FAM135B: variants seen among roughly 807,000 people sequenced by gnomAD.
The protein encoded by FAM135B is family with sequence similarity 135 member B, also known as protein FAM135B.
Under a neutral mutation model 127.7 loss-of-function variants are expected in FAM135B, and 43 were observed. The ratio of observed to expected loss-of-function variants is 0.34; its 90% confidence interval spans 0.26 to 0.43. The LOEUF (loss-of-function observed/expected upper bound fraction) is 0.43, where lower values mean the gene tolerates loss of function less well. Among genes scored for constraint, FAM135B ranks in the 20% least tolerant of loss-of-function variants. The pLI is 1.00. For synonymous variants in FAM135B, 670 were observed against 665.1 expected, an observed-to-expected ratio of 1.01 and a Z score of -0.11; for missense variants, 1,558 against 1,725.6, an observed-to-expected ratio of 0.90 and a Z score of 1.72.
In FAM135B at chr8:138,455,737, G is replaced by A. The variant is rs527260760; in HGVS notation, c.-20+40934C>T. On this transcript the variant is annotated intron_variant, in intron 1 of 19. Transcript: ENST00000395297. ...TGGGCAGATGGATGGGTGAATAAAC[G>A]GATGGAAAGAGATGGGAATCAGCAA... Among the ~76,000 whole-genome samples the A allele has an allele frequency of 7.9e-5, 12 of 152,270 alleles. No homozygotes were observed. In the South Asian group the frequency reaches 8.3e-4, roughly 11 times the overall value.
At chr8:138,136,081 G>T (rs1366654597) in intron 19 of FAM135B, among the ~76,000 whole-genome samples, 1 of 151,728 alleles carries the variant, frequency 6.6e-6, no homozygotes, top group Non-Finnish European at 1.5e-5. Context: ...TTTAGAATAT[G>T]CCCTGTGTTA....
At chr8:138,403,446 T>G (rs886748937) in intron 1 of FAM135B, among the ~76,000 whole-genome samples, 1 of 152,184 alleles carries the variant, frequency 6.6e-6, no homozygotes, top group Non-Finnish European at 1.5e-5. Flanking sequence ...TTGTTGATTC[T>G]CAACAACATA....
chr8:138,487,256 C>T (rs1459908292), intron 1 of FAM135B, among the ~76,000 whole-genome samples: 1 of 152,144 alleles, frequency 6.6e-6, no homozygotes, highest in African/African-American at 2.4e-5. Context: ...TCTGCAGGCT[C>T]CAAAGCAGCC....
intron 7 of FAM135B, among the ~76,000 whole-genome samples, chr8:138,211,596 T>C (rs1021961575): frequency 2.0e-5 from 3 of 152,326 alleles, no homozygotes; most frequent in African/African-American, 7.2e-5. Context: ...TGATATTGCA[T>C]TGCAACATTC....
At chr8:138,149,755 C>A (rs1344631035) in intron 13 of FAM135B, among the ~76,000 whole-genome samples, 2 of 152,136 alleles carry the variant, frequency 1.3e-5, no homozygotes, top group Non-Finnish European at 2.9e-5. Context: ...TATTCACACC[C>A]ATTTCCCCAA....
intron 1 of FAM135B, among the ~76,000 whole-genome samples, chr8:138,486,933 G>A (rs765621725): frequency 3.9e-5 from 6 of 151,950 alleles, no homozygotes; most frequent in Non-Finnish European, 7.4e-5. Context: ...GACCAAGAAG[G>A]TTCCTGGGAT....
chr8:138,227,996 A>T (rs560951274), intron 7 of FAM135B, among the ~76,000 whole-genome samples: 1 of 152,180 alleles, frequency 6.6e-6, no homozygotes, highest in Non-Finnish European at 1.5e-5. Flanking sequence ...AAGGTTGTAC[A>T]TTATAGCTTC....
chr8:138,382,530 C>G (rs866742696), intron 1 of FAM135B, among the ~76,000 whole-genome samples: 1 of 152,224 alleles, frequency 6.6e-6, no homozygotes, highest in South Asian at 2.1e-4. Flanking sequence ...AAGTCTGGCA[C>G]CAAACTTTCA....
intron 11 of FAM135B, among the ~76,000 whole-genome samples, chr8:138,175,529 G>A (rs73715203): frequency 0.064 from 9,718 of 152,182 alleles, 555 homozygotes; most frequent in East Asian, 0.17. Flanking sequence ...GCCCATTCAC[G>A]CTGGTTTGCA....
intron 7 of FAM135B, among the ~76,000 whole-genome samples, chr8:138,229,320 T>G (rs996895395): frequency 6.6e-6 from 1 of 152,168 alleles, no homozygotes; most frequent in Non-Finnish European, 1.5e-5. Context: ...TTCTATGATC[T>G]GACCCATCTC....
rs573923971 is a variant in FAM135B, at chr8:138,179,889, C to A, written c.874-1199G>T. ...AGAGACGGGGTCTCACTGTGTTGCC[C>A]AGGCTGGTCTCGAACTCCTGGGCTC... On this transcript the variant is annotated intron_variant, in intron 9 of 19. Transcript: ENST00000395297. Among the ~76,000 whole-genome samples the A allele has an allele frequency of 9.2e-5, 14 of 152,232 alleles. No individual in the cohort carries two copies. In the South Asian group the frequency reaches 2.9e-3, roughly 32 times the overall value.
At chr8:138,403,436 T>C (rs945944838) in intron 1 of FAM135B, among the ~76,000 whole-genome samples, 2 of 152,186 alleles carry the variant, frequency 1.3e-5, no homozygotes, top group Non-Finnish European at 2.9e-5. Flanking sequence ...GGTCACCAAA[T>C]TGTTGATTCT....
chr8:138,233,167 A>T (rs1356007769), intron 7 of FAM135B, among the ~76,000 whole-genome samples: 5 of 152,204 alleles, frequency 3.3e-5, no homozygotes, highest in Admixed American at 6.5e-5. Context: ...ACACTTCCTG[A>T]TTTCAAAATA....
chr8:138,469,572 G>A (rs947224255), intron 1 of FAM135B, among the ~76,000 whole-genome samples: 3 of 152,156 alleles, frequency 2.0e-5, no homozygotes, highest in African/African-American at 7.2e-5. Context: ...ACTGGACAAT[G>A]GGCTTATACT....
chr8:138,383,096 G>C (rs1340273027), intron 1 of FAM135B, among the ~76,000 whole-genome samples: 2 of 152,160 alleles, frequency 1.3e-5, no homozygotes, highest in African/African-American at 4.8e-5. Flanking sequence ...AACCTCAAAA[G>C]TGTCCCTTGC....
Position 138,317,934 on chromosome 8 carries a change from G to A in FAM135B, c.78-7014C>T, listed in dbSNP as rs567397605. Among the ~76,000 whole-genome samples, 280 of 152,280 alleles carry A rather than the reference G, an allele frequency of 1.8e-3. 1 individual carries two copies. The highest frequency in any genetic ancestry group is 6.6e-3 in the African/African-American group (273 of 41,572). ...CTGCTACTTAGCAGTGGCTTATTACGACCCCGCAGAAACATTGACTGCGTG... is the reference window on the plus strand; with the variant it reads ...CTGCTACTTAGCAGTGGCTTATTACAACCCCGCAGAAACATTGACTGCGTG... On this transcript the variant is annotated intron_variant, in intron 2 of 19. Coordinates refer to ENST00000395297, the MANE Select transcript of FAM135B (RefSeq NM_015912.4).
At chr8:138,373,453 T>C (rs940378227) in intron 1 of FAM135B, among the ~76,000 whole-genome samples, 2 of 150,298 alleles carry the variant, frequency 1.3e-5, no homozygotes, top group East Asian at 1.9e-4. Context: ...GGAGGATGTA[T>C]GTCGCCTCAG....
chr8:138,181,227 G>A (rs1586703100), intron 9 of FAM135B, among the ~76,000 whole-genome samples: 1 of 152,262 alleles, frequency 6.6e-6, no homozygotes, highest in African/African-American at 2.4e-5. Flanking sequence ...GAGACAGAGT[G>A]AGACTCCGTT....
At chr8:138,302,492 G>A (rs901277792) in intron 3 of FAM135B, among the ~76,000 whole-genome samples, 1 of 152,168 alleles carries the variant, frequency 6.6e-6, no homozygotes, top group African/African-American at 2.4e-5. Flanking sequence ...GGACCCTGGA[G>A]CCTTATCCCC....
Sources: allele counts gnomAD v4.1 joint callset (sites outside exome capture counted in the v4.1 genomes callset), GRCh38; gene constraint gnomAD v4.1.1; transcripts MANE v1.5; gene names NCBI Gene and HGNC (gene_info 2026-07-23, HGNC 2026-07-21).